Variants in NUP205 observed in about 807,000 individuals in gnomAD.
NUP205 encodes nucleoporin 205, also known as nuclear pore complex protein Nup205.
Under a neutral mutation model 253.8 loss-of-function variants are expected in NUP205, and 76 were observed. The observed-to-expected ratio is 0.30, with a 90% CI of 0.25 to 0.36. The LOEUF (loss-of-function observed/expected upper bound fraction) is 0.36. NUP205 is among the 10% of genes least tolerant of loss of function. The pLI is 1.00. For synonymous variants in NUP205, 832 were observed against 850.1 expected (o/e 0.98, Z 0.37); for missense variants, 2,162 against 2,425.5 (o/e 0.89, Z 2.28).
At chr7:135,572,161 G>A (rs531895309) in intron 2 of NUP205, among the ~76,000 whole-genome samples, 1 of 152,202 alleles carries the variant, frequency 6.6e-6, no homozygotes, top group South Asian at 2.1e-4. Flanking sequence ...GCCCTGCTGT[G>A]ATTTTAATGG....
At chr7:135,603,033 ATAGACATTC>A in intron 18 of NUP205, 39 bp downstream of exon 18, 1 of 1,450,650 alleles carries the variant, frequency 6.9e-7, no homozygotes, top group Non-Finnish European at 9.5e-7. Flanking sequence ...AAGTAAACAG[ATAGACATTC>A]TAGCTTTGAT....
At chr7:135,567,174 A>ATATATATATATATATG (rs1805803075) in intron 1 of NUP205, among the ~76,000 whole-genome samples, 1 of 105,866 alleles carries the variant, frequency 9.4e-6, no homozygotes, top group Non-Finnish European at 1.9e-5. Context: ...ATATATATAT[A>ATATATATATATATATG]TATATATGTA....
At chr7:135,628,893 A>G (rs1257551422) in intron 34 of NUP205, among the ~76,000 whole-genome samples, 1 of 152,208 alleles carries the variant, frequency 6.6e-6, no homozygotes, top group African/African-American at 2.4e-5. Context: ...TTGACGTCCT[A>G]CTTCTTTTAG....
intron 31 of NUP205, among the ~76,000 whole-genome samples, chr7:135,623,949 A>AT (rs1168961144): frequency 2.0e-5 from 3 of 151,732 alleles, no homozygotes; most frequent in Non-Finnish European, 2.9e-5. Context: ...CGCCTGGCTA[A>AT]TTTTTTGTAG....
rs2129490453 is a variant in NUP205 at position 135,598,273 on chromosome 7, A to G, written c.2274+66A>G. On this transcript the variant is annotated intron_variant, in intron 15 of 42. Transcript: ENST00000285968. The stretch of plus-strand genomic sequence containing the variant: ...CTGCTTTTTCTTTTATCAAAAGTAT[A>G]TGGTGCTAAATTCATGTTAGCTTTT... 11 of 1,338,426 alleles carry G rather than the reference A, an allele frequency of 8.2e-6. No homozygotes were observed. In the South Asian group the frequency reaches 8.8e-5, roughly 11 times the overall value. The allele number at this position is 1,338,426 out of a possible 1,614,324, so 82.9% of individuals were successfully genotyped here. A position where few individuals can be genotyped will look rare whatever the true frequency, so the allele number is the denominator to read the frequency against.
At chr7:135,600,129 C>G (rs1361675670) in intron 15 of NUP205, among the ~76,000 whole-genome samples, 2 of 152,128 alleles carry the variant, frequency 1.3e-5, no homozygotes, top group African/African-American at 4.8e-5. Context: ...AATGACCAAA[C>G]CCAGTCTTAT....
intron 22 of NUP205, among the ~76,000 whole-genome samples, chr7:135,608,802 T>C (rs890957677): frequency 6.6e-6 from 1 of 151,738 alleles, no homozygotes; most frequent in Non-Finnish European, 1.5e-5. Flanking sequence ...TTTATAAGTG[T>C]TTTAAAAACT....
chr7:135,578,097 G>T, intron 6 of NUP205, 73 bp downstream of exon 6: 2 of 1,123,128 alleles, frequency 1.8e-6, no homozygotes. Context: ...TTTAAAAAGG[G>T]TGATATTTTA....
chr7:135,566,601 A>T (rs939113893), intron 1 of NUP205, among the ~76,000 whole-genome samples: 2 of 152,204 alleles, frequency 1.3e-5, no homozygotes, highest in South Asian at 2.1e-4. Context: ...TCACATCCCC[A>T]CATCAAAGAC....
chr7:135,574,120 G>A (rs1341444406), intron 3 of NUP205, among the ~76,000 whole-genome samples: 1 of 152,068 alleles, frequency 6.6e-6, no homozygotes, highest in Non-Finnish European at 1.5e-5. Context: ...TTACAGGCAT[G>A]TGCCACCATG....
chr7:135,625,524 G>A (rs1451103343), intron 32 of NUP205, among the ~76,000 whole-genome samples, 169 bp downstream of exon 32: 1 of 152,190 alleles, frequency 6.6e-6, no homozygotes, highest in Non-Finnish European at 1.5e-5. Context: ...CAAAAGATGA[G>A]TGAAATGATC....
At chr7:135,596,998 G>T (rs528934400) in intron 13 of NUP205, among the ~76,000 whole-genome samples, 6 of 151,528 alleles carry the variant, frequency 4.0e-5, no homozygotes, top group African/African-American at 1.2e-4. Flanking sequence ...GTTTCCTTTT[G>T]GGTTTTTTGT....
chr7:135,645,620 T>G (rs936765566), intron 41 of NUP205, 24 bp downstream of exon 41: 14 of 1,606,804 alleles, frequency 8.7e-6, no homozygotes, highest in Non-Finnish European at 1.2e-5. Flanking sequence ...TAAAAATTAA[T>G]GAACCATAAA....
chr7:135,612,041 A>AC (rs1794251709), intron 22 of NUP205, among the ~76,000 whole-genome samples: 1 of 151,930 alleles, frequency 6.6e-6, no homozygotes, highest in Admixed American at 6.6e-5. Flanking sequence ...AATGGCATGA[A>AC]CCCGGGACGT....
chr7:135,610,002 A>G (rs577983592), intron 22 of NUP205, among the ~76,000 whole-genome samples: 1 of 152,288 alleles, frequency 6.6e-6, no homozygotes, highest in East Asian at 1.9e-4. Context: ...CAGACTGGAG[A>G]GCATGTGCCT....
intron 35 of NUP205, 124 bp from the exon 36 acceptor site, chr7:135,635,457 T>A (rs1459846424): frequency 3.2e-5 from 17 of 526,534 alleles, no homozygotes; most frequent in Non-Finnish European, 3.3e-6. Context: ...TTCTCAAAAC[T>A]TTTTTATGGC....
chr7:135,565,707 T>A (rs1309307468), intron 1 of NUP205, among the ~76,000 whole-genome samples: 3 of 152,168 alleles, frequency 2.0e-5, no homozygotes, highest in African/African-American at 7.2e-5. Flanking sequence ...CATTTTCTTA[T>A]AAGTGGCTTA....
intron 35 of NUP205, 87 bp downstream of exon 35, chr7:135,630,557 C>G: frequency 5.1e-6 from 6 of 1,188,030 alleles, no homozygotes; most frequent in Non-Finnish European, 6.9e-6. Flanking sequence ...TACTTTGCAG[C>G]TATATATGAC....
At chr7:135,599,766 T>G (rs1793925144) in intron 15 of NUP205, among the ~76,000 whole-genome samples, 1 of 152,174 alleles carries the variant, frequency 6.6e-6, no homozygotes, top group East Asian at 1.9e-4. Context: ...TCTAAAAAAC[T>G]TTCCCTCAAT....
Sources: allele counts gnomAD v4.1 joint callset (sites outside exome capture counted in the v4.1 genomes callset), GRCh38; gene constraint gnomAD v4.1.1; transcripts MANE v1.5; gene names NCBI Gene and HGNC (gene_info 2026-07-23, HGNC 2026-07-21).